Variants in GHR observed in about 807,000 individuals in gnomAD.
The protein encoded by GHR is growth hormone receptor, also known as GH receptor.
A neutral mutation model predicts 67.1 loss-of-function variants in GHR; 35 were observed. The observed-to-expected ratio is 0.52, with a 90% confidence interval of 0.40 to 0.69. The LOEUF (loss-of-function observed/expected upper bound fraction) is 0.69. GHR is among the 30% of genes least tolerant of loss of function. GHR has a pLI of 0.00. For missense variants in GHR, 792 were observed against 764.6 expected, an observed-to-expected ratio of 1.04 and a Z score of -0.42; for synonymous variants, 272 against 269.1, an observed-to-expected ratio of 1.01 and a Z score of -0.10.
intron 2 of GHR, among the ~76,000 whole-genome samples, chr5:42,605,372 C>G (rs1334658193): frequency 6.6e-6 from 1 of 152,004 alleles, no homozygotes; most frequent in Non-Finnish European, 1.5e-5. Flanking sequence ...TCCCAAAGTG[C>G]TGGGATTATA....
At chr5:42,678,214 C>A (rs529457452) in intron 3 of GHR, among the ~76,000 whole-genome samples, 1 of 152,342 alleles carries the variant, frequency 6.6e-6, no homozygotes, top group Non-Finnish European at 1.5e-5. Context: ...ACTCAGCAGT[C>A]TGGCACCAAA....
intron 1 of GHR, among the ~76,000 whole-genome samples, chr5:42,475,705 G>A (rs1456613321): frequency 1.3e-5 from 2 of 151,958 alleles, no homozygotes; most frequent in Non-Finnish European, 2.9e-5. Flanking sequence ...GAAATTGCCT[G>A]TGTAGCAGAA....
intron 3 of GHR, among the ~76,000 whole-genome samples, chr5:42,676,645 A>G (rs576188448): frequency 3.9e-5 from 6 of 152,304 alleles, no homozygotes; most frequent in African/African-American, 9.6e-5. Flanking sequence ...CATTATTTAT[A>G]GGGAAGTTCA....
At chr5:42,468,802 T>A in intron 1 of GHR, 1 of 1,055,374 alleles carries the variant, frequency 9.5e-7, no homozygotes, top group Non-Finnish European at 1.4e-6. Flanking sequence ...CGATTAGTTG[T>A]CAAATAACTG....
intron 1 of GHR, among the ~76,000 whole-genome samples, chr5:42,524,075 T>C (rs946812026): frequency 2.6e-5 from 4 of 152,132 alleles, no homozygotes; most frequent in African/African-American, 9.7e-5. Flanking sequence ...ATACAGTAAA[T>C]TGGTACCAGT....
At chr5:42,660,597 A>G (rs1490700951) in intron 3 of GHR, among the ~76,000 whole-genome samples, 4 of 152,222 alleles carry the variant, frequency 2.6e-5, no homozygotes, top group South Asian at 2.1e-4. Context: ...CATCCACACC[A>G]AAAACCCATC....
At chr5:42,542,612 AT>A (rs1441197053) in intron 1 of GHR, among the ~76,000 whole-genome samples, 2 of 152,012 alleles carry the variant, frequency 1.3e-5, no homozygotes, top group African/African-American at 4.8e-5. Context: ...TCCTTTAGGT[AT>A]TTTTCAAAAT....
chr5:42,522,453 C>A (rs1747518313), intron 1 of GHR, among the ~76,000 whole-genome samples: 1 of 152,170 alleles, frequency 6.6e-6, no homozygotes, highest in African/African-American at 2.4e-5. Context: ...ATCTTCCTGT[C>A]ATTTACCACT....
At chr5:42,578,663 C>T (rs1750900573) in intron 2 of GHR, among the ~76,000 whole-genome samples, 1 of 152,134 alleles carries the variant, frequency 6.6e-6, no homozygotes, top group African/African-American at 2.4e-5. Flanking sequence ...TAACTAAATA[C>T]TCTTTTATAC....
intron 1 of GHR, among the ~76,000 whole-genome samples, chr5:42,491,229 C>A (rs1217531236): frequency 6.6e-6 from 1 of 152,200 alleles, no homozygotes; most frequent in Non-Finnish European, 1.5e-5. Flanking sequence ...TGCCTCTTGG[C>A]CCTCTTCCTC....
chr5:42,712,228 T>C (rs1381008885), intron 7 of GHR, among the ~76,000 whole-genome samples: 1 of 152,124 alleles, frequency 6.6e-6, no homozygotes, highest in African/African-American at 2.4e-5. Context: ...TGATACTAAA[T>C]AGCATTAGGA....
chr5:42,617,812 T>C (rs1413188791), intron 2 of GHR, among the ~76,000 whole-genome samples: 1 of 152,126 alleles, frequency 6.6e-6, no homozygotes, highest in African/African-American at 2.4e-5. Flanking sequence ...TTTCTTTATG[T>C]CATATTGTCA....
chr5:42,534,544 GTTTC>G (rs1748171061), intron 1 of GHR, among the ~76,000 whole-genome samples: 1 of 151,274 alleles, frequency 6.6e-6, no homozygotes, highest in African/African-American at 2.4e-5. Flanking sequence ...ATATACTATA[GTTTC>G]TTTATCCACT....
At chr5:42,468,501 G>T in intron 1 of GHR, 1 of 782,778 alleles carries the variant, frequency 1.3e-6, no homozygotes, top group Non-Finnish European at 2.1e-6. Flanking sequence ...GCAGCAGGAG[G>T]CTGGGGGACC....
At chr5:42,446,386 G>A (rs1326759966) in intron 1 of GHR, among the ~76,000 whole-genome samples, 3 of 152,206 alleles carry the variant, frequency 2.0e-5, no homozygotes, top group Admixed American at 2.0e-4. Flanking sequence ...ACCAGAGGAT[G>A]ATGTGTTAGG....
intron 1 of GHR, among the ~76,000 whole-genome samples, chr5:42,559,516 C>G (rs1296688894): frequency 2.6e-5 from 4 of 152,160 alleles, no homozygotes; most frequent in African/African-American, 9.7e-5. Flanking sequence ...ACTGCACTCC[C>G]AACCTGGGTG....
chr5:42,668,224 C>G (rs1442169991), intron 3 of GHR, among the ~76,000 whole-genome samples: 1 of 152,090 alleles, frequency 6.6e-6, no homozygotes, highest in Non-Finnish European at 1.5e-5. Context: ...TTTAGATAGG[C>G]AAGGGGGTAG....
rs552708628 is a variant in GHR, at chr5:42,480,715, C to A, written c.-12+56760C>A. Among the ~76,000 whole-genome samples the A allele has an allele frequency of 1.2e-3, 178 of 152,264 alleles. No homozygotes were observed. In the Middle Eastern group the frequency reaches 0.02, roughly 17 times the overall value. ...TCAGAGACTAGGATTGCAACCCCTG[C>A]CTTTTTCTGTTTTCCATTTGCTTGG... On this transcript the variant is annotated intron_variant, in intron 1 of 9. Coordinates refer to ENST00000230882, the MANE Select transcript of GHR (RefSeq NM_000163.5).
intron 1 of GHR, among the ~76,000 whole-genome samples, chr5:42,474,599 G>C (rs1007608187): frequency 2.6e-5 from 4 of 152,098 alleles, no homozygotes; most frequent in African/African-American, 9.7e-5. Flanking sequence ...AACCACGATG[G>C]AAGATACTGT....
Sources: gnomAD v4.1 joint callset for allele counts (sites outside exome capture counted in the v4.1 genomes callset) on GRCh38, gnomAD v4.1.1 for gene constraint, MANE v1.5 for transcripts, NCBI Gene and HGNC (gene_info 2026-07-23, HGNC 2026-07-21) for gene names.